Variants in WDR72 observed in about 807,000 individuals in gnomAD.
WDR72 encodes WD repeat-containing protein 72.
Under a neutral mutation model 124.2 loss-of-function variants are expected in WDR72, and 120 were observed. The ratio of observed to expected loss-of-function variants is 0.97; its 90% CI spans 0.83 to 1.12. The LOEUF is 1.12. Among genes scored for constraint, WDR72 ranks in the 50% most tolerant of loss-of-function variants. The pLI is 0.00. For synonymous variants in WDR72, 452 were observed against 441.7 expected (o/e 1.02, Z -0.29); for missense variants, 1,387 against 1,278.8 (o/e 1.08, Z -1.29).
At chr15:53,747,713 G>A (rs1350795227) in intron 1 of WDR72, among the ~76,000 whole-genome samples, 2 of 152,178 alleles carry the variant, frequency 1.3e-5, no homozygotes, top group African/African-American at 4.8e-5. Context: ...ATAAGCTGTA[G>A]TGCAACAGAG....
chr15:53,607,430 C>G (rs376577577), intron 17 of WDR72, among the ~76,000 whole-genome samples: 1 of 152,088 alleles, frequency 6.6e-6, no homozygotes, highest in Non-Finnish European at 1.5e-5. Context: ...GGGGAAAAGA[C>G]AGTCTCTTCA....
chr15:53,663,169 G>A (rs1376265091), intron 14 of WDR72, among the ~76,000 whole-genome samples: 1 of 151,874 alleles, frequency 6.6e-6, no homozygotes, highest in African/African-American at 2.4e-5. Flanking sequence ...GAGAAAAAGT[G>A]TATAATAGAC....
intron 18 of WDR72, chr15:53,541,009 C>A (rs1369815187): frequency 6.3e-6 from 1 of 159,052 alleles, no homozygotes; most frequent in Admixed American, 6.5e-5. Context: ...CGGAGTCTCG[C>A]TGATTGCTAG....
chr15:53,726,254 ATG>A lies in WDR72; in HGVS notation c.154-3348_154-3347del, dbSNP rs1410561966. On this transcript the variant is annotated intron_variant, in intron 2 of 19. Transcript: ENST00000360509. Reference sequence around the variant, plus strand: ...TATATATGTATGTGTGTATATATATATGTATGTGTGTATATATATATATATAT... The same window carrying A: ...TATATATGTATGTGTGTATATATATATATGTGTGTATATATATATATATAT... Among the ~76,000 whole-genome samples the A allele has an allele frequency of 1.8e-4, 15 of 81,606 alleles. No homozygotes were observed. The Admixed American group carries it at 2.2e-3, about 12-fold the overall frequency. 53.5% of individuals were successfully genotyped at this position (81,606 alleles called of 152,430 possible).
Position 53,532,294 on chromosome 15 carries a change from C to T in WDR72, c.3149-8972G>A, listed in dbSNP as rs28538968. ...AATCCAGCAGTTCCACTGTGGGGTA[C>T]ATGTCCAAAACAAAGGAAATCAGTA... On this transcript the variant is annotated intron_variant, in intron 18 of 19. Transcript: ENST00000360509. Among the ~76,000 whole-genome samples the T allele has an allele frequency of 7.3e-3, 1,118 of 152,158 alleles. 16 individuals are homozygous for T. Among genetic ancestry groups the T allele is most frequent in the African/African-American group, 0.026 (1,090 of 41,528 alleles).
At chr15:53,587,197 T>C (rs1477129261) in intron 18 of WDR72, among the ~76,000 whole-genome samples, 2 of 152,092 alleles carry the variant, frequency 1.3e-5, no homozygotes, top group African/African-American at 4.8e-5. Flanking sequence ...AAAAGCTTTG[T>C]ATGTAATTTC....
At chr15:53,592,609 T>C (rs2012563230) in intron 18 of WDR72, among the ~76,000 whole-genome samples, 1 of 152,132 alleles carries the variant, frequency 6.6e-6, no homozygotes, top group South Asian at 2.1e-4. Context: ...TTATTTGCAA[T>C]ACCCATATTT....
chr15:53,568,260 T>C (rs1365742965), intron 18 of WDR72, among the ~76,000 whole-genome samples: 1 of 151,784 alleles, frequency 6.6e-6, no homozygotes, highest in Non-Finnish European at 1.5e-5. Context: ...AGTACAACTT[T>C]ACTGAGCAGC....
intron 2 of WDR72, among the ~76,000 whole-genome samples, chr15:53,731,077 G>A (rs370801416): frequency 2.0e-5 from 3 of 152,110 alleles, no homozygotes; most frequent in Admixed American, 2.0e-4. Flanking sequence ...TAACTTCTTT[G>A]TGTAATTAAC....
chr15:53,574,646 G>A (rs1182366590), intron 18 of WDR72, among the ~76,000 whole-genome samples: 1 of 151,972 alleles, frequency 6.6e-6, no homozygotes, highest in African/African-American at 2.4e-5. Flanking sequence ...GACTATTTTA[G>A]TATTTGCTTA....
At chr15:53,714,558 G>A (rs1336270396) in intron 5 of WDR72, 48 bp from the exon 6 acceptor site, 4 of 1,443,594 alleles carry the variant, frequency 2.8e-6, no homozygotes, top group Admixed American at 3.4e-5. Context: ...GGATATAATT[G>A]GGTAGGTAAA....
chr15:53,609,020 A>G (rs960622412), intron 17 of WDR72, among the ~76,000 whole-genome samples: 32 of 152,140 alleles, frequency 2.1e-4, no homozygotes, highest in Non-Finnish European at 4.1e-4. Flanking sequence ...TATTTCTAAC[A>G]CAAAGGACAA....
At chr15:53,674,142 CA>C (rs1329179884) in intron 13 of WDR72, among the ~76,000 whole-genome samples, 64 of 152,252 alleles carry the variant, frequency 4.2e-4, no homozygotes, top group African/African-American at 1.3e-3. Flanking sequence ...ATTGGGTAGG[CA>C]TTTTCTAACT....
chr15:53,739,778 C>T (rs944113962), intron 1 of WDR72, among the ~76,000 whole-genome samples: 1 of 152,152 alleles, frequency 6.6e-6, no homozygotes, highest in Non-Finnish European at 1.5e-5. Flanking sequence ...CTAACGTGTG[C>T]TTAGCTAAGA....
In WDR72 at chr15:53,714,489, G is replaced by C. The variant is rs199915074; in HGVS notation, c.536C>G (p.Ser179Ter). 10 of 1,613,652 alleles carry C rather than the reference G, an allele frequency of 6.2e-6. No homozygotes were observed. In the East Asian group the frequency reaches 2.0e-4, roughly 32 times the overall value. The change falls in exon 6 of 20, where the codon TCA becomes TGA. Residue 179 changes from serine to a stop codon, truncating the protein, a stop_gained. Coordinates refer to ENST00000360509, the MANE Select transcript of WDR72 (RefSeq NM_182758.4). LOFTEE classifies it high-confidence loss of function. ...RIQEDSLLVV[S>*]VAGELKVWDL... ...CCATACTTTGAGCTCACCAGCTACT[G>C]ATACCACCAAGAGAGAATCTTCTGT...
chr15:53,753,344 A>G (rs2018819969), intron 1 of WDR72, among the ~76,000 whole-genome samples: 1 of 152,226 alleles, frequency 6.6e-6, no homozygotes, highest in Non-Finnish European at 1.5e-5. Flanking sequence ...CCACGATTCT[A>G]GTGTTTTCTG....
chr15:53,636,715 C>T (rs899923432), intron 14 of WDR72, among the ~76,000 whole-genome samples: 10 of 152,074 alleles, frequency 6.6e-5, no homozygotes, highest in Non-Finnish European at 8.8e-5. Flanking sequence ...CAATGGAGTA[C>T]GTCTTGTGGG....
intron 14 of WDR72, among the ~76,000 whole-genome samples, chr15:53,639,887 T>G (rs2140409811): frequency 6.6e-6 from 1 of 152,252 alleles, no homozygotes; most frequent in South Asian, 2.1e-4. Context: ...TATCTTAGAG[T>G]TCATAAAACA....
At chr15:53,611,922 C>T (rs2013556818) in intron 16 of WDR72, among the ~76,000 whole-genome samples, 2 of 152,052 alleles carry the variant, frequency 1.3e-5, no homozygotes, top group South Asian at 2.1e-4. Flanking sequence ...CGTGTGAGGG[C>T]CACTGTGTAC....
Sources: allele counts gnomAD v4.1 joint callset (sites outside exome capture counted in the v4.1 genomes callset), GRCh38; gene constraint gnomAD v4.1.1; transcripts MANE v1.5; gene names NCBI Gene and HGNC (gene_info 2026-07-23, HGNC 2026-07-21).